The following TBC1D5 variants were observed in gnomAD, a reference collection of about 807,000 sequenced individuals.
TBC1D5 encodes the protein TBC1 domain family, member 5.
In TBC1D5, 75 loss-of-function variants were observed where a neutral mutation model predicts 100.3. The ratio of observed to expected loss-of-function variants is 0.75; its 90% confidence interval spans 0.62 to 0.91. TBC1D5 has a LOEUF of 0.91. Among genes scored for constraint, TBC1D5 ranks in the 40% least tolerant of loss-of-function variants. TBC1D5 has a pLI of 0.00. For missense variants in TBC1D5, 910 were observed against 942.4 expected, an observed-to-expected ratio of 0.97 and a Z score of 0.45; for synonymous variants, 323 against 325.6, an observed-to-expected ratio of 0.99 and a Z score of 0.09.
Position 17,574,302 on chromosome 3 carries a change from G to A in TBC1D5, c.-36+49547C>T, listed in dbSNP as rs192648216. Among the ~76,000 whole-genome samples the A allele has an allele frequency of 6.4e-4, 97 of 152,024 alleles. 1 individual carries two copies. Among genetic ancestry groups the A allele is most frequent in the Admixed American group, 1.0e-3 (16 of 15,244 alleles). On this transcript the variant is annotated intron_variant, in intron 2 of 21. Coordinates refer to ENST00000253692, the Ensembl canonical transcript of TBC1D5. ...TTGGGAGGGCCTCATCTGTTCCCCCGTTGAGGAATCTGTTGCCCTCTCTGC... is the reference window on the plus strand; with the variant it reads ...TTGGGAGGGCCTCATCTGTTCCCCCATTGAGGAATCTGTTGCCCTCTCTGC...
chr3:17,447,480 AAG>A lies in TBC1D5; in HGVS notation c.98-18963_98-18962del, dbSNP rs146621530. 3.8e-3 allele frequency among the ~76,000 whole-genome samples: 581 copies of A among 152,336 alleles called. 12 individuals carry two copies. The East Asian group carries it at 0.04, about 10-fold the overall frequency. ...AGGTAGAAGAACTGATCTGAAACGG[AAG>A]AGACATCACTAGGGAAAAAAACAGA... On this transcript the variant is annotated intron_variant, in intron 3 of 21. Transcript: ENST00000253692.
At chr3:17,323,157 T>C (rs1448090033) in intron 13 of TBC1D5, among the ~76,000 whole-genome samples, 1 of 151,982 alleles carries the variant, frequency 6.6e-6, no homozygotes, top group East Asian at 1.9e-4. Flanking sequence ...AATCACAAAT[T>C]ATGTGAAGAA....
chr3:17,557,184 A>T (rs2153463148), intron 2 of TBC1D5, among the ~76,000 whole-genome samples: 1 of 152,354 alleles, frequency 6.6e-6, no homozygotes, highest in East Asian at 1.9e-4. Context: ...TACATCAATA[A>T]TTGATCATAA....
At chr3:17,302,100 A>G (rs890259653) in intron 14 of TBC1D5, among the ~76,000 whole-genome samples, 1 of 152,202 alleles carries the variant, frequency 6.6e-6, no homozygotes, top group African/African-American at 2.4e-5. Context: ...TGAAACTTGT[A>G]GGGGAGAATC....
chr3:17,374,556 C>T lies in TBC1D5; in HGVS notation c.753-16G>A. On this transcript the variant is annotated splice_polypyrimidine_tract_variant and intron_variant, in intron 11 of 21. Transcript: ENST00000253692. ...GAACACTGCACTAAAAATAAAATAA[C>T]ACAATGCTATGTAACTTTCATTAAA... 1.2e-6 allele frequency: 2 copies of T among 1,610,404 alleles called. No individual in the cohort carries two copies. Among genetic ancestry groups the T allele is most frequent in the Non-Finnish European group, 1.7e-6 (2 of 1,178,418 alleles).
intron 13 of TBC1D5, among the ~76,000 whole-genome samples, chr3:17,344,160 G>A (rs1228485762): frequency 6.6e-6 from 1 of 152,092 alleles, no homozygotes; most frequent in Admixed American, 6.5e-5. Flanking sequence ...GTATTATCTA[G>A]AAAACCCGAT....
At chr3:17,372,380 A>G (rs1036845346) in intron 12 of TBC1D5, 133 bp from the exon 13 acceptor site, 3 of 748,588 alleles carry the variant, frequency 4.0e-6, no homozygotes, top group African/African-American at 3.5e-5. Flanking sequence ...AAAAAAGGTG[A>G]GAGCACCATG....
At chr3:17,652,052 G>C (rs187586683) in intron 1 of TBC1D5, among the ~76,000 whole-genome samples, 1 of 152,218 alleles carries the variant, frequency 6.6e-6, no homozygotes, top group Admixed American at 6.5e-5. Context: ...TAGGACTAAA[G>C]ACTTGATTTT....
At chr3:17,374,390 AT>A (rs2092612766) in intron 12 of TBC1D5, 80 bp downstream of exon 12, 2 of 1,346,032 alleles carry the variant, frequency 1.5e-6, no homozygotes. Flanking sequence ...GCTATATACT[AT>A]TCTTTGGTTA....
chr3:17,555,813 T>G (rs2096513871), intron 2 of TBC1D5, among the ~76,000 whole-genome samples: 1 of 152,158 alleles, frequency 6.6e-6, no homozygotes, highest in South Asian at 2.1e-4. Context: ...TATTTTAATG[T>G]TAATGCTGCT....
At chr3:17,331,178 C>T (rs1340844000) in intron 13 of TBC1D5, among the ~76,000 whole-genome samples, 1 of 152,170 alleles carries the variant, frequency 6.6e-6, no homozygotes, top group East Asian at 1.9e-4. Flanking sequence ...AGTTTAAACT[C>T]TTAACCGAGA....
chr3:17,421,396 T>C (rs2094204219), intron 4 of TBC1D5, among the ~76,000 whole-genome samples: 1 of 152,120 alleles, frequency 6.6e-6, no homozygotes, highest in Admixed American at 6.5e-5. Flanking sequence ...GCAAGAAAAT[T>C]TGATGAGATT....
exon 16 of TBC1D5, chr3:17,258,578 G>A (rs1386740451): frequency 3.7e-6 from 6 of 1,611,896 alleles, no homozygotes; most frequent in Non-Finnish European, 5.1e-6. Context: ...ATAAGTCACT[G>A]GTCTTGGATT....
At chr3:17,549,193 TG>T in intron 2 of TBC1D5, among the ~76,000 whole-genome samples, 1 of 152,100 alleles carries the variant, frequency 6.6e-6, no homozygotes, top group East Asian at 1.9e-4. Context: ...CCCAGTTACT[TG>T]GGAGGCTGAG....
chr3:17,494,744 G>GAAA (rs2095683515), intron 3 of TBC1D5, among the ~76,000 whole-genome samples: 1 of 152,140 alleles, frequency 6.6e-6, no homozygotes, highest in Non-Finnish European at 1.5e-5. Context: ...CACCATCGGG[G>GAAA]AAAACCGCTG....
At chr3:17,579,298 T>C (rs146181676) in intron 2 of TBC1D5, among the ~76,000 whole-genome samples, 1 of 152,222 alleles carries the variant, frequency 6.6e-6, no homozygotes, top group African/African-American at 2.4e-5. Flanking sequence ...ATTTGACAAA[T>C]GTGTTTTACA....
At chr3:17,304,756 C>G (rs2083226538) in intron 14 of TBC1D5, among the ~76,000 whole-genome samples, 1 of 152,094 alleles carries the variant, frequency 6.6e-6, no homozygotes, top group African/African-American at 2.4e-5. Flanking sequence ...AGTGCTGATT[C>G]TTGAAGTAGG....
chr3:17,406,381 T>C (rs772666671), intron 5 of TBC1D5, 37 bp downstream of exon 5: 1 of 1,581,752 alleles, frequency 6.3e-7, no homozygotes, highest in South Asian at 1.2e-5. Flanking sequence ...GTTGATATAT[T>C]GCAACCAGAA....
intron 13 of TBC1D5, among the ~76,000 whole-genome samples, chr3:17,366,886 A>G (rs1040309725): frequency 1.3e-5 from 2 of 152,188 alleles, no homozygotes; most frequent in Admixed American, 6.5e-5. Context: ...CCCCAATTAA[A>G]TTACAATAAA....
Sources: allele counts gnomAD v4.1 joint callset (sites outside exome capture counted in the v4.1 genomes callset), GRCh38; gene constraint gnomAD v4.1.1; transcripts MANE v1.5; gene names NCBI Gene and HGNC (gene_info 2026-07-23, HGNC 2026-07-21).